Variants in HTR1F observed in about 807,000 individuals in gnomAD.
The protein encoded by HTR1F is 5-hydroxytryptamine (serotonin) receptor 1F, G protein-coupled.
A neutral mutation model predicts 24.0 loss-of-function variants in HTR1F; 17 were observed. The observed-to-expected ratio is 0.71, with a 90% confidence interval of 0.48 to 1.06. The LOEUF is 1.06. Ranked by LOEUF, HTR1F falls within the 50% of genes least tolerant of loss-of-function variation. HTR1F has a pLI of 0.00. For missense variants in HTR1F, 391 were observed against 427.8 expected, an observed-to-expected ratio of 0.91 and a Z score of 0.76; for synonymous variants, 186 against 156.8, an observed-to-expected ratio of 1.19 and a Z score of -1.39.
intron 1 of HTR1F, among the ~76,000 whole-genome samples, chr3:87,803,356 T>C (rs1704023986): frequency 6.6e-6 from 1 of 152,166 alleles, no homozygotes; most frequent in Admixed American, 6.6e-5. Context: ...AAACTTCCTT[T>C]CTACATATAT....
At chr3:87,842,631 A>G (rs1458444463) in intron 2 of HTR1F, among the ~76,000 whole-genome samples, 17 of 152,004 alleles carry the variant, frequency 1.1e-4, no homozygotes, top group Non-Finnish European at 7.3e-5. Context: ...AGTCATAGAA[A>G]TTATAATGAA....
intron 2 of HTR1F, among the ~76,000 whole-genome samples, chr3:87,933,331 A>C (rs543382807): frequency 6.6e-6 from 1 of 151,400 alleles, no homozygotes; most frequent in Non-Finnish European, 1.5e-5. Flanking sequence ...CCTATTCAAC[A>C]TAGTGTTGGA....
At chr3:87,814,387 G>T (rs138418365) in intron 1 of HTR1F, among the ~76,000 whole-genome samples, 94 of 152,236 alleles carry the variant, frequency 6.2e-4, no homozygotes, top group African/African-American at 2.2e-3. Flanking sequence ...ATTCATTTGT[G>T]TTAAGAACTC....
intron 1 of HTR1F, among the ~76,000 whole-genome samples, chr3:87,806,190 T>A (rs1169266182): frequency 6.6e-6 from 1 of 152,148 alleles, no homozygotes; most frequent in Non-Finnish European, 1.5e-5. Context: ...ATGTCTTTGC[T>A]ATTATGAATA....
chr3:87,871,021 G>C (rs921513669), intron 2 of HTR1F, among the ~76,000 whole-genome samples: 2 of 150,170 alleles, frequency 1.3e-5, no homozygotes, highest in Non-Finnish European at 3.0e-5. Context: ...AAGAAACAGG[G>C]AAGTATGGCT....
chr3:87,939,289 G>A (rs893147124), intron 2 of HTR1F, among the ~76,000 whole-genome samples: 5 of 152,262 alleles, frequency 3.3e-5, no homozygotes, highest in East Asian at 1.9e-4. Context: ...ATTTTATTAA[G>A]GATTTTCGCG....
chr3:87,991,321 A>G lies in HTR1F; in HGVS notation c.572A>G (p.Tyr191Cys). 1.2e-6 allele frequency: 2 copies of G among 1,613,954 alleles called. No individual in the cohort carries two copies. The highest frequency in any genetic ancestry group is 1.1e-5 in the South Asian group (1 of 91,084). ...STIYSTFGAF[Y>C]IPLALILILY... ...ATTTACTCAACATTTGGAGCTTTCT[A>G]CATCCCACTGGCATTGATTTTGATC... The change falls in exon 3 of 3, where the codon TAC (tyrosine) becomes TGC (cysteine). Residue 191 changes from tyrosine (Y) to cysteine (C), a missense_variant. Physicochemically the swap from Tyr to Cys is radical, Grantham distance 194. Coordinates refer to ENST00000319595, the MANE Select transcript of HTR1F (RefSeq NM_001322209.2).
intron 2 of HTR1F, among the ~76,000 whole-genome samples, chr3:87,892,135 C>T (rs1706099077): frequency 6.6e-6 from 1 of 152,118 alleles, no homozygotes; most frequent in Non-Finnish European, 1.5e-5. Context: ...GACTTCTGTT[C>T]TTATTATTGG....
At chr3:87,973,845 C>A (rs1004642755) in intron 2 of HTR1F, among the ~76,000 whole-genome samples, 3 of 152,116 alleles carry the variant, frequency 2.0e-5, no homozygotes, top group Non-Finnish European at 2.9e-5. Flanking sequence ...CGACGGCACG[C>A]TTAAATTAGG....
chr3:87,885,914 A>G (rs768915594), intron 2 of HTR1F, among the ~76,000 whole-genome samples: 59 of 152,172 alleles, frequency 3.9e-4, no homozygotes, highest in Non-Finnish European at 7.1e-4. Context: ...CAGAGGTATA[A>G]AGGGGAACTG....
intron 2 of HTR1F, among the ~76,000 whole-genome samples, chr3:87,926,406 C>T (rs1704128173): frequency 6.6e-6 from 1 of 152,128 alleles, no homozygotes. Flanking sequence ...CCTATATGCT[C>T]CCATAGCATT....
At chr3:87,838,503 T>C (rs550987170) in intron 2 of HTR1F, among the ~76,000 whole-genome samples, 2 of 152,284 alleles carry the variant, frequency 1.3e-5, no homozygotes, top group Admixed American at 6.5e-5. Context: ...ATGTGAAATT[T>C]TGAGGTTTTT....
intron 2 of HTR1F, among the ~76,000 whole-genome samples, chr3:87,894,311 C>T (rs1328100792): frequency 2.0e-5 from 3 of 152,128 alleles, no homozygotes; most frequent in African/African-American, 7.2e-5. Flanking sequence ...GGCTGGAGTG[C>T]GGTGGCACGA....
chr3:87,910,441 A>G (rs1703753676), intron 2 of HTR1F: 1 of 152,050 alleles, frequency 6.6e-6, no homozygotes. Flanking sequence ...ATATGTATGC[A>G]CCCAACACAG....
At chr3:87,960,777 A>G (rs528033527) in intron 2 of HTR1F, among the ~76,000 whole-genome samples, 36 of 151,970 alleles carry the variant, frequency 2.4e-4, no homozygotes, top group Admixed American at 1.5e-3. Flanking sequence ...TTAAACTTAA[A>G]TTAACTCATC....
At chr3:87,840,965 G>A (rs892260065) in intron 2 of HTR1F, among the ~76,000 whole-genome samples, 1 of 151,912 alleles carries the variant, frequency 6.6e-6, no homozygotes, top group Non-Finnish European at 1.5e-5. Flanking sequence ...ATGTTGGTCA[G>A]TGGGTACAAA....
chr3:87,918,325 A>G (rs1703940443), intron 2 of HTR1F, among the ~76,000 whole-genome samples: 1 of 151,980 alleles, frequency 6.6e-6, no homozygotes, highest in Non-Finnish European at 1.5e-5. Flanking sequence ...AAGGATGTTT[A>G]CTCTCACCAC....
At chr3:87,919,253 T>G (rs1703959799) in intron 2 of HTR1F, among the ~76,000 whole-genome samples, 1 of 152,028 alleles carries the variant, frequency 6.6e-6, no homozygotes, top group Non-Finnish European at 1.5e-5. Context: ...AATCTAAGAC[T>G]TGAAACTATA....
At chr3:87,950,614 C>T (rs2938275) in intron 2 of HTR1F, among the ~76,000 whole-genome samples, 76,742 of 151,438 alleles carry the variant, frequency 0.51, 22,669 homozygotes, top group African/African-American at 0.83. Context: ...TTGAGTTTAC[C>T]TGAGAATAAA....
Sources: allele counts gnomAD v4.1 joint callset (sites outside exome capture counted in the v4.1 genomes callset), GRCh38; gene constraint gnomAD v4.1.1; transcripts MANE v1.5; gene names NCBI Gene and HGNC (gene_info 2026-07-23, HGNC 2026-07-21).